NRP1: variants seen among roughly 807,000 people sequenced by gnomAD.
The protein encoded by NRP1 is neuropilin-1.
A neutral mutation model predicts 106.7 loss-of-function variants in NRP1; 35 were observed. The observed-to-expected ratio is 0.33, with a 90% CI of 0.25 to 0.43. The LOEUF is 0.43. NRP1 is among the 20% of genes least tolerant of loss of function. The probability of loss-of-function intolerance (pLI) is 1.00; values close to 1 mark genes in which losing one functional copy is unlikely to be tolerated. For missense variants in NRP1, 1,024 were observed against 1,170.4 expected (o/e 0.87, Z 1.83); for synonymous variants, 437 against 417.9 (o/e 1.05, Z -0.56).
rs1023683396 is a variant in NRP1 at position 33,226,031 on chromosome 10, C to A, written c.1137+103G>T. On this transcript the variant is annotated intron_variant, in intron 7 of 16. Coordinates refer to ENST00000374867, the MANE Select transcript of NRP1 (RefSeq NM_003873.7). ...TTGCACTTTTCATTTCAAATCAATT[C>A]AAAAATAAACCAGGCCAGACAGAAA... 6.8e-6 allele frequency: 9 copies of A among 1,318,250 alleles called. No homozygotes were observed. The African/African-American group carries it at 7.4e-5, about 11-fold the overall frequency. 81.7% of individuals were successfully genotyped at this position (1,318,250 alleles called of 1,614,324 possible).
intron 2 of NRP1, among the ~76,000 whole-genome samples, chr10:33,297,806 G>T (rs1310226535): frequency 6.6e-6 from 1 of 152,070 alleles, no homozygotes. Context: ...GGAGAAGGAG[G>T]AGAGGAAGGA....
intron 6 of NRP1, among the ~76,000 whole-genome samples, chr10:33,226,549 C>A (rs1341236465): frequency 6.6e-6 from 1 of 152,218 alleles, no homozygotes; most frequent in Non-Finnish European, 1.5e-5. Context: ...CAAGGGCATT[C>A]CAAAGCTAAC....
At chr10:33,243,933 TTGTGTG>T (rs112554908) in intron 6 of NRP1, among the ~76,000 whole-genome samples, 83 of 141,438 alleles carry the variant, frequency 5.9e-4, no homozygotes, top group South Asian at 3.2e-3. Flanking sequence ...GGGTAGAGGT[TTGTGTG>T]TGTGTGTGTG....
chr10:33,270,957 G>T (rs549740863), intron 2 of NRP1, 101 bp from the exon 3 acceptor site: 2 of 1,018,236 alleles, frequency 2.0e-6, no homozygotes, highest in African/African-American at 3.3e-5. Context: ...GTGCCAGGAA[G>T]AAAAAAAAGT....
At chr10:33,257,929 G>A (rs1842310860) in intron 4 of NRP1, among the ~76,000 whole-genome samples, 1 of 152,102 alleles carries the variant, frequency 6.6e-6, no homozygotes, top group African/African-American at 2.4e-5. Context: ...GAAATCCATG[G>A]TTCTGTGCGT....
At chr10:33,319,774 G>A (rs1272739958) in intron 2 of NRP1, among the ~76,000 whole-genome samples, 3 of 151,090 alleles carry the variant, frequency 2.0e-5, no homozygotes, top group East Asian at 2.0e-4. Context: ...TTTTAGTGGA[G>A]ACGGGGTTTC....
intron 2 of NRP1, among the ~76,000 whole-genome samples, chr10:33,300,328 G>T (rs1447435665): frequency 6.6e-6 from 1 of 152,214 alleles, no homozygotes; most frequent in Non-Finnish European, 1.5e-5. Flanking sequence ...GGATGCAAAT[G>T]TCCATCAACA....
At chr10:33,235,480 C>G (rs577374541) in intron 6 of NRP1, among the ~76,000 whole-genome samples, 2 of 152,368 alleles carry the variant, frequency 1.3e-5, no homozygotes, top group Admixed American at 1.3e-4. Flanking sequence ...GGAACTGTGG[C>G]AAGCCACCAG....
At chr10:33,315,191 C>G (rs1387983140) in intron 2 of NRP1, among the ~76,000 whole-genome samples, 1 of 152,214 alleles carries the variant, frequency 6.6e-6, no homozygotes, top group Non-Finnish European at 1.5e-5. Flanking sequence ...CAGCCAAGCA[C>G]TATCTCTGCA....
chr10:33,226,901 C>T (rs1341246836), intron 6 of NRP1, among the ~76,000 whole-genome samples: 1 of 152,154 alleles, frequency 6.6e-6, no homozygotes, highest in Admixed American at 6.5e-5. Context: ...TGTCTCATGT[C>T]TCCCTGAAAT....
chr10:33,256,119 C>A (rs1842179655), intron 5 of NRP1, among the ~76,000 whole-genome samples, 197 bp downstream of exon 5: 1 of 152,122 alleles, frequency 6.6e-6, no homozygotes, highest in Non-Finnish European at 1.5e-5. Flanking sequence ...GGCTTCTCAC[C>A]CACAATTTTA....
At chr10:33,183,817 T>C (rs2132582271) in intron 15 of NRP1, among the ~76,000 whole-genome samples, 1 of 152,348 alleles carries the variant, frequency 6.6e-6, no homozygotes, top group Admixed American at 6.5e-5. Flanking sequence ...CATTGTACAA[T>C]TGTCTTACAC....
chr10:33,200,366 T>C (rs75059440), intron 11 of NRP1, among the ~76,000 whole-genome samples: 5 of 152,344 alleles, frequency 3.3e-5, no homozygotes, highest in South Asian at 4.1e-4. Context: ...TCACCTTGGC[T>C]AGCAGGTCTG....
intron 6 of NRP1, among the ~76,000 whole-genome samples, chr10:33,238,905 C>CTGTGTGTGTGTGTG (rs34194923): frequency 6.7e-6 from 1 of 148,610 alleles, no homozygotes; most frequent in African/African-American, 2.5e-5. Context: ...GTGGGTGCCT[C>CTGTGTGTGTGTGTG]TGTGTGTGTG....
chr10:33,225,373 T>G (rs1839577561), intron 7 of NRP1, among the ~76,000 whole-genome samples: 1 of 152,218 alleles, frequency 6.6e-6, no homozygotes. Flanking sequence ...GGATCTTTGC[T>G]CCTATCCTCA....
chr10:33,214,653 T>A lies in NRP1; in HGVS notation c.1283-936A>T, dbSNP rs537453441. Among the ~76,000 whole-genome samples, 6 of 152,244 alleles carry A rather than the reference T, an allele frequency of 3.9e-5. No homozygotes were observed. In the South Asian group the frequency reaches 1.2e-3, roughly 32 times the overall value. On this transcript the variant is annotated intron_variant, in intron 8 of 16. Transcript: ENST00000374867. ...TTTTCAGAAAATGTTGTTTTAAGCA[T>A]GTCATTCTCATCCTCAAAAATCTCC...
chr10:33,282,790 G>C (rs548058252), intron 2 of NRP1, among the ~76,000 whole-genome samples: 173 of 152,132 alleles, frequency 1.1e-3, no homozygotes, highest in Non-Finnish European at 2.2e-3. Context: ...CTGTCACCCA[G>C]GGTGGAATGC....
intron 10 of NRP1, among the ~76,000 whole-genome samples, chr10:33,204,381 C>A (rs1392380494): frequency 4.6e-5 from 7 of 152,206 alleles, no homozygotes; most frequent in African/African-American, 1.4e-4. Flanking sequence ...ACATGCCACT[C>A]AGGCCTGCAA....
At chr10:33,308,240 C>A (rs1194868130) in intron 2 of NRP1, among the ~76,000 whole-genome samples, 3 of 151,704 alleles carry the variant, frequency 2.0e-5, no homozygotes, top group African/African-American at 4.8e-5. Flanking sequence ...GGGAAAGGAT[C>A]AAAAAACTAC....
Sources: gnomAD v4.1 joint callset for allele counts (sites outside exome capture counted in the v4.1 genomes callset) on GRCh38, gnomAD v4.1.1 for gene constraint, MANE v1.5 for transcripts, NCBI Gene and HGNC (gene_info 2026-07-23, HGNC 2026-07-21) for gene names.